Variants in KCNQ1 observed in about 807,000 individuals in gnomAD.
KCNQ1 encodes potassium voltage-gated channel subfamily KQT member 1.
KCNQ1 carries 49 observed loss-of-function variants against 72.4 expected under a neutral mutation model. The observed-to-expected ratio is 0.68, with a 90% confidence interval of 0.54 to 0.86. The LOEUF is 0.86. Ranked by LOEUF, KCNQ1 falls within the 40% of genes least tolerant of loss-of-function variation. KCNQ1 has a pLI of 0.00. For synonymous variants in KCNQ1, 450 were observed against 412.6 expected (o/e 1.09, Z -1.10); for missense variants, 790 against 945.1 (o/e 0.84, Z 2.15).
At chr11:2,569,657 A>G (rs965266204) in intron 2 of KCNQ1, among the ~76,000 whole-genome samples, 1 of 152,100 alleles carries the variant, frequency 6.6e-6, no homozygotes, top group African/African-American at 2.4e-5. Flanking sequence ...CACCTTCCCC[A>G]AGGGCCTCCC....
Position 2,482,310 on chromosome 11 carries a change from G to T in KCNQ1, c.386+36826G>T, listed in dbSNP as rs536009873. Among the ~76,000 whole-genome samples, 37 of 152,232 alleles carry T rather than the reference G, an allele frequency of 2.4e-4. 2 individuals are homozygous for T. The highest frequency in any genetic ancestry group is 8.7e-4 in the African/African-American group (36 of 41,554). On this transcript the variant is annotated intron_variant, in intron 1 of 15. Transcript: ENST00000155840. This position sits in a 1 kb window ranked among gnomAD's most constrained non-coding sequence, Gnocchi z 5.7. ...GTATCTTCTTACCTTTTGACACATG[G>T]CAGACATGTCTCACATCTGTTCTTC...
chr11:2,456,774 A>C (rs1262049675), intron 1 of KCNQ1, among the ~76,000 whole-genome samples: 1,816 of 112,604 alleles, frequency 0.016, 73 homozygotes, highest in African/African-American at 0.068. Context: ...CCAAAAAAAA[A>C]AAAAAAAAAA....
Position 2,509,619 on chromosome 11 carries a change from G to T in KCNQ1, c.387-18309G>T, listed in dbSNP as rs1258007500. 2.0e-5 allele frequency among the ~76,000 whole-genome samples: 3 copies of T among 152,188 alleles called. No homozygotes were observed. Among genetic ancestry groups the T allele is most frequent in the Admixed American group, 1.3e-4 (2 of 15,282 alleles). On this transcript the variant is annotated intron_variant, in intron 1 of 15. Coordinates refer to ENST00000155840, the MANE Select transcript of KCNQ1 (RefSeq NM_000218.3). This position sits in a 1 kb window ranked among gnomAD's most constrained non-coding sequence, Gnocchi z 6.3. ...GTAGTGCAGGTCGTGGTCCCAGATG[G>T]CCACGGAGGTGTCAGCGTTTCACTC...
Position 2,673,770 on chromosome 11 carries a change from G to A in KCNQ1, c.1514+11689G>A, listed in dbSNP as rs962866815. 5.0e-6 allele frequency: 2 copies of A among 398,596 alleles called. No homozygotes were observed. Among genetic ancestry groups the A allele is most frequent in the African/African-American group, 2.1e-5 (1 of 48,632 alleles). 24.7% of individuals were successfully genotyped at this position (398,596 alleles called of 1,614,324 possible). A position where few individuals can be genotyped will look rare whatever the true frequency, so the allele number is the denominator to read the frequency against. Reference sequence around the variant, plus strand: ...GGGTACAGTCCCTTCTTGCTGGTATGTTGGGAAGCTCTGGTGCAAAGGGCA... The same window carrying A: ...GGGTACAGTCCCTTCTTGCTGGTATATTGGGAAGCTCTGGTGCAAAGGGCA... On this transcript the variant is annotated intron_variant, in intron 11 of 15. Transcript: ENST00000155840. The surrounding 1 kb of genome is among the most constrained non-coding windows in gnomAD (Gnocchi z 4.5).
chr11:2,847,992 G>A lies in KCNQ1; in HGVS notation c.2020G>A (p.Glu674Lys), dbSNP rs762122463. The part of the protein sequence containing the change: ...QLTVPRRGPD[E>K]GS ...GACCGTGCCCAGGAGGGGCCCCGAT[G>A]AGGGGTCCTGAGGAGGGGATGGGGC... Residue 674 changes from glutamate to lysine, a missense_variant, in exon 16 of 16, where the codon GAG (glutamate) becomes AAG (lysine). Around this residue, in one of 5 missense-constraint regions of KCNQ1, gnomAD observed 94 missense variants for 85.2 expected, o/e 1.10. Coordinates refer to ENST00000155840, the MANE Select transcript of KCNQ1 (RefSeq NM_000218.3). 9.1e-6 allele frequency: 14 copies of A among 1,538,908 alleles called. No homozygotes were observed. Among genetic ancestry groups the A allele is most frequent in the East Asian group, 2.4e-5 (1 of 41,570 alleles).
rs1400426641 is a variant in KCNQ1, at chr11:2,527,937, C to T, written c.396C>T (p.Ile132=). ...CFVYHFAVFL[I]VLVCLIFSVL... is the part of the protein sequence containing the mutation. ...TGTCCCTGTCTTGCAGCTTCCTCAT[C>T]GTCCTGGTCTGCCTCATCTTCAGCG... is the stretch of plus-strand genomic sequence containing the variant. Residue 132 remains isoleucine (I), a synonymous_variant, in exon 2 of 16, where the codon ATC becomes ATT. Transcript: ENST00000155840. 6.2e-6 allele frequency: 10 copies of T among 1,614,044 alleles called. No individual in the cohort carries two copies. Among genetic ancestry groups the T allele is most frequent in the Middle Eastern group, 1.6e-4 (1 of 6,062 alleles).
rs1850295018 is a variant in KCNQ1, at chr11:2,676,391, G to T, written c.1514+14310G>T. Reference sequence around the variant, plus strand: ...TAATTGGAAGGAGCATAGTCTCTGTGTTCAGCTAGAGATTTAGCCCAATGG... The same window carrying T: ...TAATTGGAAGGAGCATAGTCTCTGTTTTCAGCTAGAGATTTAGCCCAATGG... On this transcript the variant is annotated intron_variant, in intron 11 of 15. Coordinates refer to ENST00000155840, the MANE Select transcript of KCNQ1 (RefSeq NM_000218.3). The surrounding 1 kb of genome is among the most constrained non-coding windows in gnomAD (Gnocchi z 4.2). 1 of 398,562 alleles carries T rather than the reference G, an allele frequency of 2.5e-6. No homozygotes were observed. Among genetic ancestry groups the T allele is most frequent in the African/African-American group, 2.1e-5 (1 of 48,652 alleles). The allele number at this position is 398,562 out of a possible 1,614,324, so 24.7% of individuals were successfully genotyped here.
In KCNQ1 at chr11:2,525,880, A is replaced by C. The variant is rs182048934; in HGVS notation, c.387-2048A>C. Among the ~76,000 whole-genome samples the C allele has an allele frequency of 1.8e-3, 273 of 152,324 alleles. 1 individual carries two copies. The highest frequency in any genetic ancestry group is 2.6e-3 in the Non-Finnish European group (177 of 68,022). ...CTGTGCACCAGGCTGCGTCCCGGGC[A>C]TGGACTGCAGCCCACAGCCCCACTC... On this transcript the variant is annotated intron_variant, in intron 1 of 15. Coordinates refer to ENST00000155840, the MANE Select transcript of KCNQ1 (RefSeq NM_000218.3).
chr11:2,737,439 T>C (rs1845976207), intron 11 of KCNQ1, among the ~76,000 whole-genome samples: 1 of 152,214 alleles, frequency 6.6e-6, no homozygotes, highest in African/African-American at 2.4e-5. Context: ...GCCCGCGAGC[T>C]GCAAGGAGTT....
At position 2,492,315 on chromosome 11, in the gene KCNQ1, C is replaced by T. The variant is rs182024659; in HGVS notation, c.387-35613C>T. Among the ~76,000 whole-genome samples the T allele has an allele frequency of 6.6e-6, 1 of 152,256 alleles. No individual in the cohort carries two copies. Among genetic ancestry groups the T allele is most frequent in the Non-Finnish European group, 1.5e-5 (1 of 67,994 alleles). ...ACAATAAGATATAGAGACAAAAAAA[C>T]TTAAAAAGCGGAGAGACAAAAGTTG... On this transcript the variant is annotated intron_variant, in intron 1 of 15. Transcript: ENST00000155840. The surrounding 1 kb of genome is among the most constrained non-coding windows in gnomAD (Gnocchi z 4.1).
chr11:2,788,732 G>A (rs989191912), intron 15 of KCNQ1, among the ~76,000 whole-genome samples: 4 of 152,300 alleles, frequency 2.6e-5, no homozygotes, highest in Admixed American at 2.6e-4. Flanking sequence ...TTTCTTTCCT[G>A]AGGAGCCGTC....
chr11:2,744,440 G>A (rs936718492), intron 11 of KCNQ1, among the ~76,000 whole-genome samples: 7 of 152,246 alleles, frequency 4.6e-5, no homozygotes, highest in Non-Finnish European at 8.8e-5. Flanking sequence ...CTGCAGGGGT[G>A]CAAGAGGTGC....
chr11:2,819,851 T>A (rs1177468361), intron 15 of KCNQ1, among the ~76,000 whole-genome samples: 1 of 152,236 alleles, frequency 6.6e-6, no homozygotes, highest in Non-Finnish European at 1.5e-5. Context: ...ACTTTTGGTA[T>A]TTTTTGCCTT....
intron 11 of KCNQ1, among the ~76,000 whole-genome samples, chr11:2,739,542 C>T (rs1223252678): frequency 6.6e-6 from 1 of 152,220 alleles, no homozygotes; most frequent in African/African-American, 2.4e-5. Context: ...GAAATACCAC[C>T]ATTTCATTCT....
chr11:2,524,725 C>T (rs1224210390), intron 1 of KCNQ1, among the ~76,000 whole-genome samples: 1 of 152,218 alleles, frequency 6.6e-6, no homozygotes, highest in Non-Finnish European at 1.5e-5. Flanking sequence ...TGCTGATTCC[C>T]TGCTGGACGT....
intron 1 of KCNQ1, among the ~76,000 whole-genome samples, chr11:2,476,587 G>A (rs1846571619): frequency 6.6e-6 from 1 of 152,176 alleles, no homozygotes; most frequent in Admixed American, 6.5e-5. Flanking sequence ...TTGGTTCTTT[G>A]AGGAAAACAA....
chr11:2,726,948 C>G (rs1387945199), intron 11 of KCNQ1, among the ~76,000 whole-genome samples: 1 of 152,198 alleles, frequency 6.6e-6, no homozygotes, highest in Non-Finnish European at 1.5e-5. Flanking sequence ...CCTGACTCTC[C>G]AAGCCCTGTC....
Position 2,663,738 on chromosome 11 carries a change from G to A in KCNQ1, c.1514+1657G>A, listed in dbSNP as rs1850011840. On this transcript the variant is annotated intron_variant, in intron 11 of 15. Transcript: ENST00000155840. The surrounding 1 kb of genome is among the most constrained non-coding windows in gnomAD (Gnocchi z 5.2). ...TGCAAGGCCCCTGCAGGTGAAGGTG[G>A]TGAGAGACCAGGCACTTATGTGGAT... 1 of 398,714 alleles carries A rather than the reference G, an allele frequency of 2.5e-6. No homozygotes were observed. The highest frequency in any genetic ancestry group is 4.4e-6 in the Non-Finnish European group (1 of 226,110). 24.7% of individuals were successfully genotyped at this position (398,714 alleles called of 1,614,324 possible). A position where few individuals can be genotyped will look rare whatever the true frequency, so the allele number is the denominator to read the frequency against.
intron 13 of KCNQ1, 40 bp downstream of exon 13, chr11:2,776,094 C>G: frequency 1.3e-6 from 2 of 1,485,818 alleles, no homozygotes; most frequent in Non-Finnish European, 1.8e-6. Flanking sequence ...GTGCCCAGGT[C>G]CTGCCCAGCC....
Sources: allele counts gnomAD v4.1 joint callset (sites outside exome capture counted in the v4.1 genomes callset), GRCh38; gene constraint gnomAD v4.1.1; regional missense constraint gnomAD v4.1.1; non-coding constraint Gnocchi (gnomAD v3.1); transcripts MANE v1.5; gene names NCBI Gene and HGNC (gene_info 2026-07-23, HGNC 2026-07-21).